CD8B2: variants seen among roughly 807,000 people sequenced by gnomAD.
CD8B2 encodes the protein T-cell surface glycoprotein CD8 beta-2 chain.
CD8B2 carries 11 observed loss-of-function variants against 23.7 expected under a neutral mutation model. The ratio of observed to expected loss-of-function variants is 0.46; its 90% CI spans 0.29 to 0.77. The LOEUF is 0.77. Among genes scored for constraint, CD8B2 ranks in the 30% least tolerant of loss-of-function variants. CD8B2 has a pLI of 0.09. For missense variants in CD8B2, 197 were observed against 270.5 expected (o/e 0.73, Z 1.91); for synonymous variants, 90 against 109.3 (o/e 0.82, Z 1.10).
chr2:106,525,460 G>T (rs1679893139), intron 5 of CD8B2, among the ~76,000 whole-genome samples: 1 of 152,124 alleles, frequency 6.6e-6, no homozygotes, highest in South Asian at 2.1e-4. Flanking sequence ...TTTTATTATG[G>T]AAAAGTACAC....
intron 5 of CD8B2, chr2:106,543,325 G>C (rs1050081296): frequency 6.6e-6 from 1 of 152,048 alleles, no homozygotes; most frequent in African/African-American, 2.4e-5. Context: ...CCAGCAGTTC[G>C]AGACCAGCCT....
At position 106,502,517 on chromosome 2, in the gene CD8B2, C is replaced by A; in HGVS notation, c.537C>A (p.Gly179=). The A allele has an allele frequency of 2.5e-6, 4 of 1,584,978 alleles. No homozygotes were observed. The highest frequency in any genetic ancestry group is 3.4e-6 in the Non-Finnish European group (4 of 1,164,762). Residue 179 remains glycine (G), a synonymous_variant, in exon 4 of 6, where the codon GGC becomes GGA. Coordinates refer to ENST00000643224, the MANE Select transcript of CD8B2 (RefSeq NM_001349727.2). ...SPVTLGLLVA[G]VLVLLVSLGV... ...TCACCCTTGGCCTGCTGGTGGCTGG[C>A]GTCCTGGTTCTGCTGGTTTCCCTGG...
intron 5 of CD8B2, among the ~76,000 whole-genome samples, chr2:106,541,385 C>A (rs571484051): frequency 6.6e-6 from 1 of 152,150 alleles, no homozygotes; most frequent in Non-Finnish European, 1.5e-5. Flanking sequence ...TGGTATTCAA[C>A]CAAGGGGCAG....
chr2:106,491,162 G>T lies in CD8B2; in HGVS notation c.332G>T (p.Ser111Ile). 1 of 1,613,988 alleles carries T rather than the reference G, an allele frequency of 6.2e-7. No individual in the cohort carries two copies. Among genetic ancestry groups the T allele is most frequent in the Non-Finnish European group, 8.5e-7 (1 of 1,179,846 alleles). ...LNLTSVKPED[S>I]GIYFCMIVGS... is the part of the protein sequence containing the mutation. ...CTCACAAGCGTGAAGCCGGAGGACA[G>T]TGGCATCTACTTCTGCATGATCGTC... The change falls in exon 2 of 6, where the codon AGT becomes ATT. Residue 111 changes from serine (S) to isoleucine (I), a missense_variant. Ser to Ile is a moderately radical substitution (Grantham distance 142, BLOSUM62 -2). Coordinates refer to ENST00000643224, the MANE Select transcript of CD8B2 (RefSeq NM_001349727.2).
intron 5 of CD8B2, among the ~76,000 whole-genome samples, chr2:106,525,913 G>C (rs1463102032): frequency 1.3e-5 from 2 of 152,156 alleles, no homozygotes; most frequent in Non-Finnish European, 2.9e-5. Flanking sequence ...TGATTTATCT[G>C]TACGAGGCCA....
At chr2:106,518,522 TA>T (rs1322172113) in intron 5 of CD8B2, among the ~76,000 whole-genome samples, 1 of 152,220 alleles carries the variant, frequency 6.6e-6, no homozygotes, top group Non-Finnish European at 1.5e-5. Flanking sequence ...GTTGATTTGT[TA>T]GAGGAATACC....
At chr2:106,496,730 G>A (rs554521608) in intron 3 of CD8B2, among the ~76,000 whole-genome samples, 56 of 152,036 alleles carry the variant, frequency 3.7e-4, no homozygotes, top group African/African-American at 1.3e-3. Flanking sequence ...GAGACAGAAT[G>A]TAGATTGGTT....
At chr2:106,514,805 C>G (rs913439306), downstream of CD8B2, among the ~76,000 whole-genome samples, 16 of 151,540 alleles carry the variant, frequency 1.1e-4, no homozygotes, top group African/African-American at 3.9e-4. Context: ...GTTCTCATTT[C>G]TTCTGCCATG....
intron 2 of CD8B2, among the ~76,000 whole-genome samples, chr2:106,493,433 C>T (rs546976573): frequency 2.0e-5 from 3 of 152,198 alleles, no homozygotes; most frequent in African/African-American, 4.8e-5. Context: ...TAGACCCAGG[C>T]GGCGGTGCCC....
chr2:106,532,722 G>A (rs1680006674), intron 5 of CD8B2, among the ~76,000 whole-genome samples: 1 of 152,170 alleles, frequency 6.6e-6, no homozygotes, highest in South Asian at 2.1e-4. Context: ...AACTATCATG[G>A]CACTCGTGGT....
chr2:106,533,783 C>T (rs1680046149), intron 5 of CD8B2, among the ~76,000 whole-genome samples: 1 of 152,176 alleles, frequency 6.6e-6, no homozygotes. Context: ...TGGGAGAGTT[C>T]CTCGGCAAAC....
At chr2:106,499,312 C>T (rs184631000) in intron 3 of CD8B2, among the ~76,000 whole-genome samples, 1 of 152,128 alleles carries the variant, frequency 6.6e-6, no homozygotes, top group African/African-American at 2.4e-5. Flanking sequence ...GCTGGTGGAT[C>T]ACCTGAGGTC....
chr2:106,504,988 C>A (rs1343770847), intron 5 of CD8B2, among the ~76,000 whole-genome samples: 1 of 152,188 alleles, frequency 6.6e-6, no homozygotes, highest in African/African-American at 2.4e-5. Context: ...AGTCACATAG[C>A]ACTCTTGGGG....
At chr2:106,493,937 G>A (rs1436232563) in intron 2 of CD8B2, among the ~76,000 whole-genome samples, 1 of 152,196 alleles carries the variant, frequency 6.6e-6, no homozygotes, top group African/African-American at 2.4e-5. Context: ...GCTCAGCACT[G>A]CTCCCCACAC....
chr2:106,490,399 T>A (rs747228375), intron 1 of CD8B2, among the ~76,000 whole-genome samples: 8 of 152,148 alleles, frequency 5.3e-5, no homozygotes, highest in Non-Finnish European at 8.8e-5. Flanking sequence ...TGGTGGTACA[T>A]GCCTATAGTC....
At chr2:106,490,353 G>T (rs962033754) in intron 1 of CD8B2, among the ~76,000 whole-genome samples, 1 of 152,100 alleles carries the variant, frequency 6.6e-6, no homozygotes, top group South Asian at 2.1e-4. Context: ...CCTCATCTGT[G>T]TAACGAGGAT....
chr2:106,503,115 C>T (rs1679444413), intron 4 of CD8B2, among the ~76,000 whole-genome samples: 1 of 149,736 alleles, frequency 6.7e-6, no homozygotes, highest in South Asian at 2.2e-4. Flanking sequence ...TGGCCCCCAC[C>T]CCAAGCTCTG....
intron 5 of CD8B2, among the ~76,000 whole-genome samples, chr2:106,520,213 A>G (rs1679802687): frequency 6.6e-6 from 1 of 152,248 alleles, no homozygotes; most frequent in Non-Finnish European, 1.5e-5. Flanking sequence ...CTCAATGATT[A>G]TTGAAAGGTT....
intron 3 of CD8B2, among the ~76,000 whole-genome samples, chr2:106,501,388 A>G (rs1378016568): frequency 1.3e-5 from 2 of 152,136 alleles, no homozygotes; most frequent in African/African-American, 2.4e-5. Context: ...TTTTAAAACT[A>G]TATGTATTTA....
Sources: gnomAD v4.1 joint callset for allele counts (sites outside exome capture counted in the v4.1 genomes callset) on GRCh38, gnomAD v4.1.1 for gene constraint, MANE v1.5 for transcripts, NCBI Gene and HGNC (gene_info 2026-07-23, HGNC 2026-07-21) for gene names.